The following DCLK2 variants were observed in gnomAD, a reference collection of about 807,000 sequenced individuals.
DCLK2 encodes the protein doublecortin like kinase 2.
DCLK2 carries 31 observed loss-of-function variants against 78.4 expected under a neutral mutation model. The ratio of observed to expected loss-of-function variants is 0.40; its 90% CI spans 0.30 to 0.53. The LOEUF (loss-of-function observed/expected upper bound fraction) is 0.53, where lower values mean the gene tolerates loss of function less well. DCLK2 is among the 20% of genes least tolerant of loss of function. DCLK2 has a pLI of 0.61. For missense variants in DCLK2, 872 were observed against 973.7 expected, an observed-to-expected ratio of 0.90 and a Z score of 1.39; for synonymous variants, 407 against 374.9, an observed-to-expected ratio of 1.09 and a Z score of -0.99.
chr4:150,095,883 A>G (rs2150145035), intron 1 of DCLK2, among the ~76,000 whole-genome samples: 1 of 152,322 alleles, frequency 6.6e-6, no homozygotes, highest in South Asian at 2.1e-4. Flanking sequence ...GAGAATAAAG[A>G]GGGTATGAGA....
intron 2 of DCLK2, among the ~76,000 whole-genome samples, chr4:150,177,303 T>G (rs1737161354): frequency 6.6e-6 from 1 of 152,206 alleles, no homozygotes; most frequent in Non-Finnish European, 1.5e-5. Context: ...TTAAAATGCT[T>G]TTTTTTCCGA....
intron 2 of DCLK2, among the ~76,000 whole-genome samples, chr4:150,175,188 A>AATTTATCTATATATATTTATATAT (rs1560835542): frequency 9.2e-5 from 9 of 98,166 alleles, no homozygotes; most frequent in African/African-American, 3.9e-4. Context: ...ATATATTTAT[A>AATTTATCTATATATATTTATATAT]ATTTATCTAT....
chr4:150,114,105 G>A (rs1731894705), intron 2 of DCLK2, among the ~76,000 whole-genome samples: 1 of 152,116 alleles, frequency 6.6e-6, no homozygotes, highest in Admixed American at 6.6e-5. Context: ...GGTCTGAGAA[G>A]ATACTTGAAG....
intron 2 of DCLK2, among the ~76,000 whole-genome samples, chr4:150,189,425 A>T (rs139623773): frequency 6.6e-6 from 1 of 152,234 alleles, no homozygotes; most frequent in Non-Finnish European, 1.5e-5. Context: ...GGGATTTCAG[A>T]TGAGAAAGCC....
At chr4:150,085,631 T>C (rs1435100655) in intron 1 of DCLK2, among the ~76,000 whole-genome samples, 1 of 152,090 alleles carries the variant, frequency 6.6e-6, no homozygotes, top group Non-Finnish European at 1.5e-5. Flanking sequence ...AGGAGGTGAA[T>C]AAATCATAAA....
intron 5 of DCLK2, among the ~76,000 whole-genome samples, chr4:150,213,984 T>C (rs907502762): frequency 2.0e-5 from 3 of 152,216 alleles, no homozygotes; most frequent in African/African-American, 7.2e-5. Context: ...TAAGCTCTGA[T>C]TTCTTCACAG....
chr4:150,211,122 C>T (rs1740281469), intron 5 of DCLK2, among the ~76,000 whole-genome samples: 1 of 152,168 alleles, frequency 6.6e-6, no homozygotes, highest in Admixed American at 6.5e-5. Context: ...CAAGACGCGT[C>T]CCAGGGCTGT....
intron 8 of DCLK2, among the ~76,000 whole-genome samples, chr4:150,230,334 A>G (rs1560891578): frequency 6.6e-6 from 1 of 152,170 alleles, no homozygotes; most frequent in Non-Finnish European, 1.5e-5. Context: ...TATCTTATTT[A>G]CTTCAATTTG....
intron 2 of DCLK2, among the ~76,000 whole-genome samples, chr4:150,113,864 T>A (rs948873754): frequency 2.6e-5 from 4 of 152,322 alleles, no homozygotes; most frequent in African/African-American, 9.6e-5. Flanking sequence ...TCTTTCAGAC[T>A]TTTTGATGTA....
chr4:150,133,486 A>G (rs1417133627), intron 2 of DCLK2, among the ~76,000 whole-genome samples: 9 of 152,222 alleles, frequency 5.9e-5, no homozygotes, highest in African/African-American at 2.2e-4. Flanking sequence ...CAGGTCTGAA[A>G]TGCAAAACCA....
chr4:150,203,859 A>C lies in DCLK2; in HGVS notation c.1026A>C (p.Pro342=), dbSNP rs1340040972. 6.2e-7 allele frequency: 1 copy of C among 1,613,790 alleles called. No homozygotes were observed. The highest frequency in any genetic ancestry group is 8.5e-7 in the Non-Finnish European group (1 of 1,179,886). The change falls in exon 5 of 16, where the codon CCA becomes CCC. Residue 342 remains proline, a synonymous_variant. Transcript: ENST00000296550. ...PKSTKSSSSS[P]TSPGSFRGLK... is the part of the protein sequence containing the mutation. The stretch of plus-strand genomic sequence containing the variant: ...CTACGAAATCCTCCAGTTCCTCTCC[A>C]ACTAGTCCAGGAAGTTTCAGAGGAT...
rs555714606 is a variant in DCLK2 at position 150,188,609 on chromosome 4, G to A, written c.757-4529G>A. On this transcript the variant is annotated intron_variant, in intron 2 of 15. Coordinates refer to ENST00000296550, the MANE Select transcript of DCLK2 (RefSeq NM_001040260.4). ...GTGAAATCATTAAAAGGTCAATTAA[G>A]AAGATCCAAGGGCCGGGCATGGTGG... Among the ~76,000 whole-genome samples the A allele has an allele frequency of 1.1e-4, 16 of 152,096 alleles. No individual in the cohort carries two copies. The South Asian group carries it at 3.1e-3, about 30-fold the overall frequency.
chr4:150,227,519 A>G (rs1741708769), intron 8 of DCLK2, among the ~76,000 whole-genome samples: 1 of 152,180 alleles, frequency 6.6e-6, no homozygotes, highest in Non-Finnish European at 1.5e-5. Flanking sequence ...GGCAGCAATC[A>G]AAGAGCGGTC....
intron 10 of DCLK2, among the ~76,000 whole-genome samples, chr4:150,237,984 G>T (rs1270217031): frequency 1.3e-5 from 2 of 152,100 alleles, no homozygotes; most frequent in Non-Finnish European, 2.9e-5. Flanking sequence ...CTTGAATTAT[G>T]CTGTCATACG....
At chr4:150,110,296 C>T (rs766664943) in intron 2 of DCLK2, among the ~76,000 whole-genome samples, 2 of 152,082 alleles carry the variant, frequency 1.3e-5, no homozygotes, top group Non-Finnish European at 2.9e-5. Context: ...TGAAATTTTA[C>T]GCACTACCAA....
At chr4:150,230,706 T>C (rs1228709383) in intron 8 of DCLK2, among the ~76,000 whole-genome samples, 1 of 152,176 alleles carries the variant, frequency 6.6e-6, no homozygotes, top group African/African-American at 2.4e-5. Flanking sequence ...GCCAAGTCTT[T>C]TGTCTTTGCA....
chr4:150,208,149 GC>G (rs1201079418), intron 5 of DCLK2, among the ~76,000 whole-genome samples: 1 of 152,322 alleles, frequency 6.6e-6, no homozygotes, highest in East Asian at 1.9e-4. Flanking sequence ...TCAGGCCTCA[GC>G]CTGGATTCTG....
intron 2 of DCLK2, among the ~76,000 whole-genome samples, chr4:150,130,039 T>C (rs2150195549): frequency 6.6e-6 from 1 of 152,232 alleles, no homozygotes; most frequent in Admixed American, 6.5e-5. Flanking sequence ...TGATACTGTA[T>C]AGGAAAATGA....
intron 2 of DCLK2, among the ~76,000 whole-genome samples, chr4:150,126,416 G>GTCT: frequency 6.6e-6 from 1 of 152,272 alleles, no homozygotes; most frequent in Non-Finnish European, 1.5e-5. Flanking sequence ...AGTGATGCAA[G>GTCT]AGACTGTGGT....
Sources: gnomAD v4.1 joint callset for allele counts (sites outside exome capture counted in the v4.1 genomes callset) on GRCh38, gnomAD v4.1.1 for gene constraint, MANE v1.5 for transcripts, NCBI Gene and HGNC (gene_info 2026-07-23, HGNC 2026-07-21) for gene names.